Variants in ROBO2 observed in about 807,000 individuals in gnomAD.
ROBO2 encodes roundabout homolog 2.
A neutral mutation model predicts 160.8 loss-of-function variants in ROBO2; 53 were observed. That is an observed-to-expected ratio of 0.33 (90% confidence interval 0.26 to 0.41). The LOEUF is 0.41. Among genes scored for constraint, ROBO2 ranks in the 10% least tolerant of loss-of-function variants. ROBO2 has a pLI of 1.00. For missense variants in ROBO2, 1,577 were observed against 1,722.4 expected (o/e 0.92, Z 1.49); for synonymous variants, 664 against 611.7 (o/e 1.09, Z -1.26).
At chr3:76,498,743 C>T (rs1031955019) in intron 2 of ROBO2, among the ~76,000 whole-genome samples, 3 of 144,280 alleles carry the variant, frequency 2.1e-5, no homozygotes, top group Admixed American at 7.1e-5. Context: ...AGGGCAGTGG[C>T]ACAATCTCGA....
chr3:76,963,504 C>T (rs913651757), intron 2 of ROBO2, among the ~76,000 whole-genome samples: 1 of 152,080 alleles, frequency 6.6e-6, no homozygotes, highest in African/African-American at 2.4e-5. Flanking sequence ...TTATGGAATA[C>T]ATGCTTCTTC....
chr3:76,398,500 A>G (rs1019778898), intron 2 of ROBO2, among the ~76,000 whole-genome samples: 6 of 151,758 alleles, frequency 4.0e-5, no homozygotes, highest in African/African-American at 7.3e-5. Context: ...AGAAAAAGAA[A>G]AAATTCAAGC....
At chr3:76,023,946 A>G (rs1040294929) in intron 2 of ROBO2, among the ~76,000 whole-genome samples, 2 of 151,554 alleles carry the variant, frequency 1.3e-5, no homozygotes, top group Non-Finnish European at 3.0e-5. Flanking sequence ...AATCTCTCTG[A>G]TGCCATAACC....
intron 1 of ROBO2, among the ~76,000 whole-genome samples, chr3:77,062,626 C>G (rs1268194367): frequency 6.6e-6 from 1 of 152,162 alleles, no homozygotes; most frequent in Non-Finnish European, 1.5e-5. Context: ...TATGAAAAAA[C>G]AACTTAAGCA....
chr3:76,452,745 G>T (rs1255394584), intron 2 of ROBO2, among the ~76,000 whole-genome samples: 66 of 152,264 alleles, frequency 4.3e-4, no homozygotes, highest in African/African-American at 1.4e-3. Context: ...CTGACGAATC[G>T]CCACACTGAC....
At chr3:76,699,651 G>C (rs1339996503) in intron 2 of ROBO2, among the ~76,000 whole-genome samples, 1 of 152,058 alleles carries the variant, frequency 6.6e-6, no homozygotes, top group African/African-American at 2.4e-5. Context: ...TACATTTCCA[G>C]GTTTCTTTTA....
chr3:76,448,349 T>C (rs1577263875), intron 2 of ROBO2, among the ~76,000 whole-genome samples: 1 of 152,268 alleles, frequency 6.6e-6, no homozygotes, highest in Middle Eastern at 3.4e-3. Context: ...TAATGTGTTT[T>C]AATACGAGGA....
intron 2 of ROBO2, among the ~76,000 whole-genome samples, chr3:76,713,998 A>G (rs1385154993): frequency 6.6e-6 from 1 of 152,082 alleles, no homozygotes; most frequent in Admixed American, 6.5e-5. Context: ...ATTATAGAAA[A>G]CTGCATTTGA....
chr3:77,613,469 C>A (rs1361725950), intron 21 of ROBO2, among the ~76,000 whole-genome samples: 3 of 151,986 alleles, frequency 2.0e-5, no homozygotes. Context: ...GTAAGAGTTA[C>A]AAAGTAAATT....
At chr3:77,454,768 C>T (rs1373653200) in intron 2 of ROBO2, among the ~76,000 whole-genome samples, 1 of 152,100 alleles carries the variant, frequency 6.6e-6, no homozygotes, top group African/African-American at 2.4e-5. Flanking sequence ...ATTGTGTCTT[C>T]TCTTTTTCAA....
chr3:77,380,538 G>C (rs982117149), intron 2 of ROBO2, among the ~76,000 whole-genome samples: 1 of 152,102 alleles, frequency 6.6e-6, no homozygotes, highest in African/African-American at 2.4e-5. Context: ...TAAAAGACGG[G>C]ATTTTTTTTA....
At chr3:77,413,746 A>G (rs1330918895) in intron 2 of ROBO2, among the ~76,000 whole-genome samples, 1 of 152,206 alleles carries the variant, frequency 6.6e-6, no homozygotes, top group Non-Finnish European at 1.5e-5. Context: ...AGAGTCAAGG[A>G]CGACTCCACT....
At chr3:77,499,537 G>A (rs1386855153) in intron 5 of ROBO2, among the ~76,000 whole-genome samples, 1 of 151,330 alleles carries the variant, frequency 6.6e-6, no homozygotes, top group East Asian at 1.9e-4. Flanking sequence ...AAAAATTAAT[G>A]CTAAAAAAAT....
chr3:76,249,700 T>A (rs1705864255), intron 2 of ROBO2, among the ~76,000 whole-genome samples: 1 of 152,080 alleles, frequency 6.6e-6, no homozygotes. Flanking sequence ...GGCTATATTA[T>A]TTGCAAGAAA....
At chr3:76,386,863 C>G (rs768011428) in intron 2 of ROBO2, among the ~76,000 whole-genome samples, 1 of 152,040 alleles carries the variant, frequency 6.6e-6, no homozygotes, top group African/African-American at 2.4e-5. Flanking sequence ...CCCCTGCACT[C>G]AAGCATGATA....
At chr3:77,279,664 T>C (rs1005554694) in intron 2 of ROBO2, among the ~76,000 whole-genome samples, 3 of 152,134 alleles carry the variant, frequency 2.0e-5, no homozygotes, top group Non-Finnish European at 4.4e-5. Context: ...TCTTTACTTC[T>C]CTTTGATATA....
intron 2 of ROBO2, among the ~76,000 whole-genome samples, chr3:77,162,519 C>A (rs1579515428): frequency 6.6e-6 from 1 of 152,204 alleles, no homozygotes; most frequent in Middle Eastern, 3.4e-3. Context: ...CCAAGAAATA[C>A]CATTTTATGG....
intron 2 of ROBO2, among the ~76,000 whole-genome samples, chr3:76,405,098 G>A (rs2108786900): frequency 6.6e-6 from 1 of 151,614 alleles, no homozygotes; most frequent in East Asian, 1.9e-4. Context: ...AAAGAATAAA[G>A]GTGCTTTAGG....
At chr3:77,557,468 G>A (rs1490394138) in intron 8 of ROBO2, among the ~76,000 whole-genome samples, 1 of 151,836 alleles carries the variant, frequency 6.6e-6, no homozygotes, top group African/African-American at 2.4e-5. Flanking sequence ...GGTGCCATAA[G>A]GGGGAAATTA....
Sources: gnomAD v4.1 joint callset for allele counts (sites outside exome capture counted in the v4.1 genomes callset) on GRCh38, gnomAD v4.1.1 for gene constraint, MANE v1.5 for transcripts, NCBI Gene and HGNC (gene_info 2026-07-23, HGNC 2026-07-21) for gene names.